Variants in KANK1 observed in about 807,000 individuals in gnomAD.
KANK1 encodes the protein KN motif and ankyrin repeat domain-containing protein 1.
KANK1 carries 109 observed loss-of-function variants against 106.2 expected under a neutral mutation model. That is an observed-to-expected ratio of 1.03 (90% CI 0.88 to 1.20). KANK1 has a LOEUF of 1.20. KANK1 is among the 50% of genes most tolerant of loss of function. KANK1 has a pLI of 0.00. For missense variants in KANK1, 2,399 were observed against 1,710.7 expected (o/e 1.40, Z -7.10); for synonymous variants, 873 against 652.2 (o/e 1.34, Z -5.16).
At chr9:729,477 C>T (rs762799245) in intron 3 of KANK1, among the ~76,000 whole-genome samples, 5 of 152,138 alleles carry the variant, frequency 3.3e-5, no homozygotes, top group Admixed American at 6.5e-5. Context: ...AGGCATGCTG[C>T]CAGGAAACAA....
intron 2 of KANK1, among the ~76,000 whole-genome samples, chr9:471,939 A>G (rs2058029495): frequency 6.6e-6 from 1 of 152,120 alleles, no homozygotes; most frequent in Non-Finnish European, 1.5e-5. Context: ...CCCCGAGCAC[A>G]AGGACAGTAA....
intron 3 of KANK1, among the ~76,000 whole-genome samples, chr9:495,827 C>T (rs1388838151): frequency 3.3e-5 from 5 of 152,132 alleles, no homozygotes; most frequent in African/African-American, 9.7e-5. Context: ...AATGACAGCT[C>T]AGTTGTTTGA....
chr9:572,580 A>G (rs1819490617), intron 1 of KANK1, among the ~76,000 whole-genome samples: 1 of 151,986 alleles, frequency 6.6e-6, no homozygotes, highest in African/African-American at 2.4e-5. Flanking sequence ...TTGTAGAGAC[A>G]GGGTCTCGAT....
At chr9:689,867 G>T (rs1819457626) in intron 2 of KANK1, among the ~76,000 whole-genome samples, 1 of 152,080 alleles carries the variant, frequency 6.6e-6, no homozygotes, top group Non-Finnish European at 1.5e-5. Flanking sequence ...CTCTTTCTAA[G>T]GCAAATACTC....
At chr9:585,113 T>A (rs181072086) in intron 1 of KANK1, among the ~76,000 whole-genome samples, 1 of 152,366 alleles carries the variant, frequency 6.6e-6, no homozygotes, top group East Asian at 1.9e-4. Context: ...GTTATTCTCC[T>A]GCCTCTGTAA....
intron 1 of KANK1, among the ~76,000 whole-genome samples, chr9:637,229 A>G (rs1185016927): frequency 6.6e-6 from 1 of 152,136 alleles, no homozygotes; most frequent in African/African-American, 2.4e-5. Context: ...AAACACTACC[A>G]AGTAGTCTCA....
At chr9:482,617 AC>A (rs1564113501) in intron 3 of KANK1, among the ~76,000 whole-genome samples, 2 of 152,212 alleles carry the variant, frequency 1.3e-5, no homozygotes, top group Non-Finnish European at 1.5e-5. Flanking sequence ...AAAACTGACT[AC>A]AATCACATGT....
intron 1 of KANK1, among the ~76,000 whole-genome samples, chr9:577,611 T>TC (rs1192722583): frequency 6.6e-6 from 1 of 152,158 alleles, no homozygotes; most frequent in Non-Finnish European, 1.5e-5. Context: ...CCTTCAGACT[T>TC]CTTTGTTTAA....
At chr9:493,554 C>CT (rs34062799) in intron 3 of KANK1, among the ~76,000 whole-genome samples, 25,410 of 115,944 alleles carry the variant, frequency 0.22, 5,050 homozygotes, top group African/African-American at 0.51. Flanking sequence ...GGGTAATTTG[C>CT]TTTTTTTTTT....
At chr9:636,963 C>G (rs1837292555) in intron 1 of KANK1, among the ~76,000 whole-genome samples, 1 of 152,210 alleles carries the variant, frequency 6.6e-6, no homozygotes, top group African/African-American at 2.4e-5. Context: ...TTAGACTTTG[C>G]CAGTCCTTCT....
chr9:743,823 C>T (rs1169900254), intron 10 of KANK1, among the ~76,000 whole-genome samples: 1 of 152,228 alleles, frequency 6.6e-6, no homozygotes, highest in Non-Finnish European at 1.5e-5. Flanking sequence ...GATCGTGCCA[C>T]TGCACTGCAG....
At chr9:635,808 C>G (rs1054770455) in intron 1 of KANK1, among the ~76,000 whole-genome samples, 1 of 144,270 alleles carries the variant, frequency 6.9e-6, no homozygotes, top group African/African-American at 2.6e-5. Context: ...AGGTGATTCT[C>G]CTGTCTCAGC....
rs1826549037 is a variant in KANK1, at chr9:712,816, A to C, written c.2050A>C (p.Thr684Pro). The change falls in exon 3 of 12, where the codon ACC becomes CCC. Residue 684 changes from threonine (T) to proline (P), a missense_variant. Transcript: ENST00000382297. ...STDLEQVHQF[T>P]NTETATLIES... ...AGATTTGGAACAGGTGCACCAGTTC[A>C]CCAACACCGAGACGGCCACCCTCAT... The C allele has an allele frequency of 6.2e-7, 1 of 1,613,894 alleles. No homozygotes were observed.
chr9:704,613 A>G (rs1302918032), intron 2 of KANK1, among the ~76,000 whole-genome samples: 1 of 152,158 alleles, frequency 6.6e-6, no homozygotes, highest in South Asian at 2.1e-4. Flanking sequence ...TTCACCTCCC[A>G]AGTGAACTTT....
intron 1 of KANK1, among the ~76,000 whole-genome samples, chr9:563,209 TACTG>T (rs1816946719): frequency 6.6e-6 from 1 of 151,626 alleles, no homozygotes; most frequent in Non-Finnish European, 1.5e-5. Context: ...TTTTTTTACT[TACTG>T]ACCCTTAATA....
chr9:534,067 G>A (rs567208459), intron 1 of KANK1, among the ~76,000 whole-genome samples: 3 of 152,300 alleles, frequency 2.0e-5, no homozygotes, highest in Non-Finnish European at 2.9e-5. Flanking sequence ...GGAGAAAGGG[G>A]GGGGCAGAAC....
chr9:632,586 G>A (rs897390610), intron 1 of KANK1, among the ~76,000 whole-genome samples: 1 of 152,116 alleles, frequency 6.6e-6, no homozygotes, highest in Non-Finnish European at 1.5e-5. Flanking sequence ...GAGAGGCAGG[G>A]GAGGACATTT....
At chr9:573,968 G>C (rs1301380983) in intron 1 of KANK1, among the ~76,000 whole-genome samples, 1 of 152,234 alleles carries the variant, frequency 6.6e-6, no homozygotes. Context: ...GAGTTGCTTG[G>C]AGGAGCCAAC....
At chr9:541,135 C>T (rs776741393) in intron 1 of KANK1, among the ~76,000 whole-genome samples, 3 of 151,010 alleles carry the variant, frequency 2.0e-5, no homozygotes, top group Non-Finnish European at 3.0e-5. Context: ...AAAAAAAACA[C>T]AAAAAAACAG....
Sources: gnomAD v4.1 joint callset for allele counts (sites outside exome capture counted in the v4.1 genomes callset) on GRCh38, gnomAD v4.1.1 for gene constraint, MANE v1.5 for transcripts, NCBI Gene and HGNC (gene_info 2026-07-23, HGNC 2026-07-21) for gene names.